The following MVB12B variants were observed in gnomAD, a reference collection of about 807,000 sequenced individuals.
MVB12B encodes the protein ESCRT-I complex subunit MVB12B.
Under a neutral mutation model 41.6 loss-of-function variants are expected in MVB12B, and 16 were observed. The observed-to-expected ratio is 0.38, with a 90% CI of 0.26 to 0.58. The LOEUF is 0.58. MVB12B is among the 20% of genes least tolerant of loss of function. The pLI is 0.62. For missense variants in MVB12B, 274 were observed against 380.2 expected, an observed-to-expected ratio of 0.72 and a Z score of 2.32; for synonymous variants, 133 against 139.7, an observed-to-expected ratio of 0.95 and a Z score of 0.34.
At chr9:126,413,852 GTA>G (rs1831725983) in intron 6 of MVB12B, among the ~76,000 whole-genome samples, 1 of 142,582 alleles carries the variant, frequency 7.0e-6, no homozygotes, top group Non-Finnish European at 1.6e-5. Context: ...GTGTGTGTGT[GTA>G]TAAGGGTTGG....
chr9:126,350,129 C>T (rs960626435), intron 2 of MVB12B, among the ~76,000 whole-genome samples: 3 of 152,158 alleles, frequency 2.0e-5, no homozygotes, highest in Non-Finnish European at 4.4e-5. Context: ...TATTTGCCAT[C>T]TGTATGTCTT....
intron 2 of MVB12B, among the ~76,000 whole-genome samples, chr9:126,373,382 C>G (rs1182581263): frequency 2.6e-5 from 4 of 152,234 alleles, no homozygotes; most frequent in South Asian, 2.1e-4. Flanking sequence ...CACAGTTGCC[C>G]GCTGTCTGGC....
intron 9 of MVB12B, among the ~76,000 whole-genome samples, chr9:126,488,218 G>T (rs1252287076): frequency 6.6e-6 from 1 of 151,930 alleles, no homozygotes; most frequent in Admixed American, 6.6e-5. Context: ...GTCGGGATGA[G>T]TTTGATTTTG....
intron 7 of MVB12B, among the ~76,000 whole-genome samples, chr9:126,452,494 G>A (rs1340025329): frequency 1.3e-5 from 2 of 152,222 alleles, no homozygotes; most frequent in Admixed American, 1.3e-4. Flanking sequence ...TGGTGATTTG[G>A]GGGCAGCCGG....
rs566618238 is a variant in MVB12B at position 126,333,558 on chromosome 9, C to T, written c.81+6548C>T. On this transcript the variant is annotated intron_variant, in intron 1 of 9. Transcript: ENST00000361171. The surrounding 1 kb of genome is among the most constrained non-coding windows in gnomAD (Gnocchi z 4.7). Reference sequence around the variant, plus strand: ...TAGCTGGGATTACAGGCACCACCACCACACCCAGCTAATTTTTGTATTTTT... The same window carrying T: ...TAGCTGGGATTACAGGCACCACCACTACACCCAGCTAATTTTTGTATTTTT... 6.6e-6 allele frequency among the ~76,000 whole-genome samples: 1 copy of T among 152,168 alleles called. No homozygotes were observed. Among genetic ancestry groups the T allele is most frequent in the Admixed American group, 6.5e-5 (1 of 15,280 alleles).
chr9:126,416,087 G>A (rs915143077), intron 6 of MVB12B, among the ~76,000 whole-genome samples: 9 of 152,260 alleles, frequency 5.9e-5, no homozygotes, highest in African/African-American at 2.2e-4. Context: ...GCACTTCTCA[G>A]CCGTGGGCGG....
chr9:126,328,266 G>A (rs1404207700), intron 1 of MVB12B, among the ~76,000 whole-genome samples: 1 of 152,062 alleles, frequency 6.6e-6, no homozygotes, highest in Admixed American at 6.6e-5. Context: ...TTGGGACCCG[G>A]GCTCCAAGCC....
intron 7 of MVB12B, among the ~76,000 whole-genome samples, chr9:126,427,834 C>T (rs1832223673): frequency 6.6e-6 from 1 of 152,220 alleles, no homozygotes; most frequent in South Asian, 2.1e-4. Context: ...ATTTATCCAT[C>T]AGCATTAGGC....
At chr9:126,491,563 A>G (rs1038211517) in intron 9 of MVB12B, among the ~76,000 whole-genome samples, 1 of 152,214 alleles carries the variant, frequency 6.6e-6, no homozygotes, top group African/African-American at 2.4e-5. Context: ...CACCGCCCAG[A>G]ATCCTTGTTA....
chr9:126,351,744 T>C (rs1231827655), intron 2 of MVB12B, among the ~76,000 whole-genome samples: 4 of 152,180 alleles, frequency 2.6e-5, no homozygotes, highest in African/African-American at 7.2e-5. Context: ...TGCCTTGGCC[T>C]CCCAAAGTGC....
intron 7 of MVB12B, among the ~76,000 whole-genome samples, chr9:126,422,301 C>T (rs1278894666): frequency 2.0e-5 from 3 of 152,176 alleles, no homozygotes; most frequent in Non-Finnish European, 4.4e-5. Context: ...CCCTGGTCGG[C>T]TCACCCTCCC....
In MVB12B at chr9:126,436,450, T is replaced by G. The variant is rs1335431301; in HGVS notation, c.757+14502T>G. ...TGGGTGGAGTTTCAAAGTCAATTAC[T>G]GCTTGTCCTATTATAATTTACACAC... On this transcript the variant is annotated intron_variant, in intron 7 of 9. Coordinates refer to ENST00000361171, the MANE Select transcript of MVB12B (RefSeq NM_033446.3). This position sits in a 1 kb window ranked among gnomAD's most constrained non-coding sequence, Gnocchi z 4.1. Among the ~76,000 whole-genome samples, 1 of 152,254 alleles carries G rather than the reference T, an allele frequency of 6.6e-6. No individual in the cohort carries two copies. The highest frequency in any genetic ancestry group is 1.5e-5 in the Non-Finnish European group (1 of 68,042).
chr9:126,488,704 G>T (rs1464934026), intron 9 of MVB12B, among the ~76,000 whole-genome samples: 1 of 152,158 alleles, frequency 6.6e-6, no homozygotes, highest in East Asian at 1.9e-4. Context: ...CTGAAGAGTG[G>T]TCCCAACTTG....
At chr9:126,327,137 C>A (rs1463054740) in intron 1 of MVB12B, 127 bp downstream of exon 1, 1 of 517,434 alleles carries the variant, frequency 1.9e-6, no homozygotes, top group African/African-American at 2.1e-5. Flanking sequence ...GCGCCGAGGC[C>A]TGCGGGCTCC....
At chr9:126,448,854 A>G (rs987190326) in intron 7 of MVB12B, among the ~76,000 whole-genome samples, 1 of 152,212 alleles carries the variant, frequency 6.6e-6, no homozygotes, top group African/African-American at 2.4e-5. Context: ...TGGGAATCAC[A>G]TGTCAACGTG....
intron 2 of MVB12B, among the ~76,000 whole-genome samples, chr9:126,369,178 A>C (rs112065978): frequency 0.028 from 4,290 of 152,202 alleles, 181 homozygotes; most frequent in African/African-American, 0.087. Context: ...AAAAATTTTT[A>C]ATTAAGAAAG....
chr9:126,496,962 C>CAGGCTT (rs923525293), intron 9 of MVB12B, among the ~76,000 whole-genome samples: 6 of 152,156 alleles, frequency 3.9e-5, no homozygotes, highest in African/African-American at 1.4e-4. Context: ...GTGGGAGACC[C>CAGGCTT]AGGCTTGGAG....
intron 9 of MVB12B, among the ~76,000 whole-genome samples, chr9:126,493,730 T>G (rs1448092776): frequency 6.6e-6 from 1 of 152,274 alleles, no homozygotes; most frequent in Admixed American, 6.5e-5. Flanking sequence ...AGGTGCTTTC[T>G]GTCTTTGTGG....
At chr9:126,390,671 C>G (rs753225022) in intron 4 of MVB12B, among the ~76,000 whole-genome samples, 1 of 152,098 alleles carries the variant, frequency 6.6e-6, no homozygotes, top group Non-Finnish European at 1.5e-5. Context: ...CTAAAAAATG[C>G]AGAAGGAGGC....
Sources: gnomAD v4.1 joint callset for allele counts (sites outside exome capture counted in the v4.1 genomes callset) on GRCh38, gnomAD v4.1.1 for gene constraint, Gnocchi (gnomAD v3.1) non-coding constraint, MANE v1.5 for transcripts, NCBI Gene and HGNC (gene_info 2026-07-23, HGNC 2026-07-21) for gene names.